Variants in XKR6 observed in about 807,000 individuals in gnomAD.
XKR6 encodes XK related 6, also known as XK-related protein 6.
Under a neutral mutation model 56.7 loss-of-function variants are expected in XKR6, and 22 were observed. That is an observed-to-expected ratio of 0.39 (90% CI 0.28 to 0.55). The LOEUF (loss-of-function observed/expected upper bound fraction) is 0.55, where lower values mean the gene tolerates loss of function less well. XKR6 is among the 20% of genes least tolerant of loss of function. The pLI is 0.66. For synonymous variants in XKR6, 524 were observed against 387.8 expected, an observed-to-expected ratio of 1.35 and a Z score of -4.13; for missense variants, 852 against 889.0, an observed-to-expected ratio of 0.96 and a Z score of 0.53.
intron 1 of XKR6, among the ~76,000 whole-genome samples, chr8:11,100,386 T>C (rs993872283): frequency 6.6e-6 from 1 of 152,180 alleles, no homozygotes; most frequent in Admixed American, 6.5e-5. Flanking sequence ...ATTTATGACT[T>C]CCACCTAATC....
intron 1 of XKR6, among the ~76,000 whole-genome samples, chr8:11,084,136 G>C (rs1251608213): frequency 3.3e-5 from 5 of 152,212 alleles, no homozygotes; most frequent in Non-Finnish European, 5.9e-5. Flanking sequence ...TCCACTGTGT[G>C]ATTGCCTGGG....
intron 1 of XKR6, among the ~76,000 whole-genome samples, chr8:11,009,096 G>T (rs906262265): frequency 7.4e-6 from 1 of 135,326 alleles, no homozygotes; most frequent in East Asian, 2.8e-4. Context: ...TGGGGAGGGG[G>T]GTGGGAGGTC....
intron 1 of XKR6, among the ~76,000 whole-genome samples, chr8:11,104,334 T>A (rs904607846): frequency 1.3e-5 from 2 of 152,230 alleles, no homozygotes; most frequent in Non-Finnish European, 2.9e-5. Context: ...CAATTTTAAA[T>A]AGGCCAAGGA....
intron 1 of XKR6, among the ~76,000 whole-genome samples, chr8:11,142,393 T>C (rs930676586): frequency 1.8e-4 from 28 of 152,150 alleles, no homozygotes; most frequent in African/African-American, 6.3e-4. Context: ...GAGGCTCCCT[T>C]TGGCCAACTG....
rs370438351 is a variant in XKR6 at position 11,186,144 on chromosome 8, AT to A, written c.764+14431del. ...TCTCTTGTACTCTGCAATCAATAGCATTTTTTTTTATACATACACACACATA... is the reference window on the plus strand; with the variant it reads ...TCTCTTGTACTCTGCAATCAATAGCATTTTTTTTATACATACACACACATA... On this transcript the variant is annotated intron_variant, in intron 1 of 2. Coordinates refer to ENST00000416569, the MANE Select transcript of XKR6 (RefSeq NM_173683.4). Among the ~76,000 whole-genome samples the A allele has an allele frequency of 5.0e-3, 762 of 151,470 alleles. 8 individuals are homozygous for A. Among genetic ancestry groups the A allele is most frequent in the African/African-American group, 0.017 (704 of 41,278 alleles).
chr8:10,951,494 T>C (rs937830834), intron 1 of XKR6, among the ~76,000 whole-genome samples: 1 of 152,138 alleles, frequency 6.6e-6, no homozygotes, highest in Admixed American at 6.5e-5. Context: ...TTGGTTTTAG[T>C]CCCAAACAGC....
intron 1 of XKR6, among the ~76,000 whole-genome samples, chr8:11,008,418 CTTTTTTTT>C (rs35571220): frequency 9.6e-6 from 1 of 104,144 alleles, no homozygotes; most frequent in Non-Finnish European, 1.9e-5. Context: ...GCTCCCCAGG[CTTTTTTTT>C]TTTTTTTTTT....
At chr8:10,946,418 T>A (rs1367867900) in intron 1 of XKR6, among the ~76,000 whole-genome samples, 4 of 152,064 alleles carry the variant, frequency 2.6e-5, no homozygotes, top group Non-Finnish European at 4.4e-5. Flanking sequence ...TGTGTAAGCC[T>A]CGGGTGCAGG....
At chr8:11,140,687 G>A (rs1038783834) in intron 1 of XKR6, among the ~76,000 whole-genome samples, 17 of 152,106 alleles carry the variant, frequency 1.1e-4, no homozygotes, top group African/African-American at 4.1e-4. Flanking sequence ...CACGAGGTCA[G>A]GAGATCAAGA....
At chr8:11,128,534 G>C (rs1350893531) in intron 1 of XKR6, among the ~76,000 whole-genome samples, 2 of 152,192 alleles carry the variant, frequency 1.3e-5, no homozygotes, top group African/African-American at 4.8e-5. Flanking sequence ...ATCTCATTAA[G>C]TGGGACTGCA....
At chr8:11,000,391 T>C (rs1798210758) in intron 1 of XKR6, among the ~76,000 whole-genome samples, 1 of 152,188 alleles carries the variant, frequency 6.6e-6, no homozygotes, top group East Asian at 1.9e-4. Context: ...TCCACTTCAG[T>C]AGACACATAT....
chr8:10,958,347 C>T (rs1202241855), intron 1 of XKR6, among the ~76,000 whole-genome samples: 1 of 152,154 alleles, frequency 6.6e-6, no homozygotes, highest in Non-Finnish European at 1.5e-5. Context: ...GGCACTAATG[C>T]GATTATGGGA....
intron 1 of XKR6, among the ~76,000 whole-genome samples, chr8:10,944,631 G>C (rs368919236): frequency 6.6e-6 from 1 of 152,150 alleles, no homozygotes; most frequent in South Asian, 2.1e-4. Flanking sequence ...CAGACCTCTG[G>C]TTCATAGGCT....
chr8:10,979,100 G>C (rs928210068), intron 1 of XKR6, among the ~76,000 whole-genome samples: 6 of 151,742 alleles, frequency 4.0e-5, no homozygotes, highest in African/African-American at 9.7e-5. Flanking sequence ...CCTCCTCCTT[G>C]CAGTCTTCCC....
intron 1 of XKR6, among the ~76,000 whole-genome samples, chr8:11,182,506 G>A (rs371059025): frequency 1.3e-5 from 2 of 152,352 alleles, no homozygotes; most frequent in Non-Finnish European, 2.9e-5. Flanking sequence ...GCTGGTCAGC[G>A]TGGCCAGGAC....
chr8:11,040,080 A>G (rs577295135), intron 1 of XKR6, among the ~76,000 whole-genome samples: 169 of 152,222 alleles, frequency 1.1e-3, no homozygotes, highest in African/African-American at 3.9e-3. Context: ...AAGAAAACGG[A>G]GGCCCAGGCA....
intron 1 of XKR6, among the ~76,000 whole-genome samples, chr8:11,066,359 A>G (rs996943356): frequency 1.3e-5 from 2 of 152,222 alleles, no homozygotes; most frequent in African/African-American, 4.8e-5. Flanking sequence ...ATACACTGAC[A>G]TTTCTGTCCC....
At chr8:10,924,980 G>A (rs1800837913) in intron 1 of XKR6, 150 bp from the exon 2 acceptor site, 3 of 836,760 alleles carry the variant, frequency 3.6e-6, no homozygotes, top group East Asian at 2.7e-5. Context: ...GGCTCTGGGG[G>A]GCTCCCGGCA....
chr8:11,088,417 G>A (rs1233402297), intron 1 of XKR6, among the ~76,000 whole-genome samples: 1 of 152,146 alleles, frequency 6.6e-6, no homozygotes, highest in Non-Finnish European at 1.5e-5. Flanking sequence ...ATCTCACATT[G>A]CTTTGTCACG....
Sources: allele counts gnomAD v4.1 joint callset (sites outside exome capture counted in the v4.1 genomes callset), GRCh38; gene constraint gnomAD v4.1.1; transcripts MANE v1.5; gene names NCBI Gene and HGNC (gene_info 2026-07-23, HGNC 2026-07-21).